The following TRABD2A variants were observed in gnomAD, a reference collection of about 807,000 sequenced individuals.
The protein encoded by TRABD2A is metalloprotease TIKI1.
TRABD2A carries 43 observed loss-of-function variants against 45.6 expected under a neutral mutation model. The observed-to-expected ratio is 0.94, with a 90% CI of 0.74 to 1.22. The LOEUF (loss-of-function observed/expected upper bound fraction) is 1.22. Among genes scored for constraint, TRABD2A ranks in the 50% most tolerant of loss-of-function variants. TRABD2A has a pLI of 0.00. For missense variants in TRABD2A, 642 were observed against 652.4 expected (o/e 0.98, Z 0.17); for synonymous variants, 269 against 265.0 (o/e 1.02, Z -0.15).
chr2:84,825,266 C>T (rs1330006897), intron 5 of TRABD2A, among the ~76,000 whole-genome samples: 5 of 152,160 alleles, frequency 3.3e-5, no homozygotes, highest in African/African-American at 1.2e-4. Context: ...ATCTACCTTA[C>T]CAGAGTGGGT....
intron 2 of TRABD2A, among the ~76,000 whole-genome samples, chr2:84,852,452 G>A (rs1013340912): frequency 6.6e-6 from 1 of 152,066 alleles, no homozygotes; most frequent in African/African-American, 2.4e-5. Context: ...GGGGTTGCCA[G>A]AATGACCGCA....
intron 2 of TRABD2A, among the ~76,000 whole-genome samples, chr2:84,867,981 TTGG>T (rs1682739056): frequency 6.6e-6 from 1 of 152,214 alleles, no homozygotes; most frequent in South Asian, 2.1e-4. Flanking sequence ...TTTTACACTG[TTGG>T]TGGGACTGTA....
chr2:84,845,839 A>C (rs895809784), intron 2 of TRABD2A, among the ~76,000 whole-genome samples: 3 of 152,186 alleles, frequency 2.0e-5, no homozygotes, highest in African/African-American at 7.2e-5. Context: ...CAAGCACTGA[A>C]GATACAGTCA....
At chr2:84,865,844 A>G (rs1020550083) in intron 2 of TRABD2A, among the ~76,000 whole-genome samples, 3 of 152,222 alleles carry the variant, frequency 2.0e-5, no homozygotes, top group African/African-American at 7.2e-5. Flanking sequence ...CAGACAGAGA[A>G]GAAGTGAGAC....
intron 4 of TRABD2A, chr2:84,838,219 T>A: frequency 1.4e-6 from 1 of 717,664 alleles, no homozygotes; most frequent in Non-Finnish European, 2.6e-6. Flanking sequence ...TCAAGGCTCC[T>A]GATTTTCAAG....
intron 5 of TRABD2A, among the ~76,000 whole-genome samples, chr2:84,827,773 G>T (rs1305687094): frequency 6.6e-6 from 1 of 152,178 alleles, no homozygotes. Context: ...GTGGTCAGAG[G>T]GGGATATGAC....
chr2:84,842,705 G>C (rs897994500), intron 2 of TRABD2A, among the ~76,000 whole-genome samples: 16 of 148,594 alleles, frequency 1.1e-4, no homozygotes, highest in African/African-American at 4.0e-4. Context: ...CTCCAGGCTG[G>C]ATGACAGTGA....
chr2:84,825,286 G>A lies in TRABD2A; in HGVS notation c.1083-1082C>T, dbSNP rs76679688. On this transcript the variant is annotated intron_variant, in intron 5 of 6. Coordinates refer to ENST00000409520, the MANE Select transcript of TRABD2A (RefSeq NM_001277053.2). ...CCTTACCAGAGTGGGTCCCAGTTCT[G>A]AGCCACGACATGGCAGAACCTGAGA... is the stretch of plus-strand genomic sequence containing the variant. Among the ~76,000 whole-genome samples the A allele has an allele frequency of 4.6e-3, 707 of 152,296 alleles. 5 individuals carry two copies. Among genetic ancestry groups the A allele is most frequent in the African/African-American group, 0.016 (659 of 41,562 alleles).
chr2:84,823,080 G>A (rs950279776), intron 6 of TRABD2A, among the ~76,000 whole-genome samples: 9 of 152,138 alleles, frequency 5.9e-5, no homozygotes, highest in Admixed American at 3.3e-4. Flanking sequence ...GAATCCCTGC[G>A]TCTACTGATC....
intron 2 of TRABD2A, among the ~76,000 whole-genome samples, chr2:84,866,956 G>T (rs577156847): frequency 5.6e-4 from 85 of 152,166 alleles, no homozygotes; most frequent in Non-Finnish European, 1.1e-3. Flanking sequence ...GTGGTGGCGG[G>T]TGCCTGTAAT....
intron 2 of TRABD2A, among the ~76,000 whole-genome samples, chr2:84,848,563 A>G (rs1206423722): frequency 4.2e-5 from 6 of 141,278 alleles, no homozygotes; most frequent in East Asian, 2.0e-4. Flanking sequence ...TATATATTAC[A>G]TATATAGAGA....
At chr2:84,880,536 G>T (rs1683165760) in intron 1 of TRABD2A, among the ~76,000 whole-genome samples, 1 of 152,230 alleles carries the variant, frequency 6.6e-6, no homozygotes, top group Non-Finnish European at 1.5e-5. Context: ...TTTGATAAGA[G>T]CAGGTGAAAT....
intron 1 of TRABD2A, among the ~76,000 whole-genome samples, chr2:84,879,995 A>G (rs1464677865): frequency 1.2e-4 from 15 of 128,358 alleles, no homozygotes; most frequent in African/African-American, 4.3e-4. Context: ...CCCACCCCCA[A>G]CCCCCCCCAC....
At chr2:84,871,087 T>G (rs1177080122) in intron 1 of TRABD2A, among the ~76,000 whole-genome samples, 1 of 152,140 alleles carries the variant, frequency 6.6e-6, no homozygotes, top group Non-Finnish European at 1.5e-5. Flanking sequence ...ATCTGATTGG[T>G]CTGGGATGAG....
intron 1 of TRABD2A, among the ~76,000 whole-genome samples, chr2:84,871,667 A>G (rs1361974586): frequency 6.6e-6 from 1 of 152,092 alleles, no homozygotes; most frequent in African/African-American, 2.4e-5. Context: ...TTGTATTTTT[A>G]GTAGAGACGG....
chr2:84,827,862 CCTCT>C, intron 5 of TRABD2A, among the ~76,000 whole-genome samples: 1 of 152,266 alleles, frequency 6.6e-6, no homozygotes, highest in South Asian at 2.1e-4. Context: ...ATGTGGGCAG[CCTCT>C]AGAAGCTGGG....
chr2:84,880,837 C>CG, intron 1 of TRABD2A, 95 bp downstream of exon 1: 1 of 1,521,318 alleles, frequency 6.6e-7, no homozygotes, highest in East Asian at 2.5e-5. Flanking sequence ...GAAGTCGGCT[C>CG]GGGGTCCGAA....
At chr2:84,850,419 ATGG>A (rs1466675193) in intron 2 of TRABD2A, among the ~76,000 whole-genome samples, 3 of 152,022 alleles carry the variant, frequency 2.0e-5, no homozygotes, top group African/African-American at 7.2e-5. Flanking sequence ...GGGGAAGAAG[ATGG>A]TGGTGGTCCT....
chr2:84,853,152 G>A (rs1049391920), intron 2 of TRABD2A, among the ~76,000 whole-genome samples: 10 of 152,152 alleles, frequency 6.6e-5, no homozygotes, highest in South Asian at 2.1e-4. Flanking sequence ...GGGAAATTTA[G>A]ATACAGAAAG....
Sources: gnomAD v4.1 joint callset for allele counts (sites outside exome capture counted in the v4.1 genomes callset) on GRCh38, gnomAD v4.1.1 for gene constraint, MANE v1.5 for transcripts, NCBI Gene and HGNC (gene_info 2026-07-23, HGNC 2026-07-21) for gene names.